XRN2: variants seen among roughly 807,000 people sequenced by gnomAD.
The protein encoded by XRN2 is DHM1-like protein.
In XRN2, 44 loss-of-function variants were observed where a neutral mutation model predicts 138.5. That is an observed-to-expected ratio of 0.32 (90% CI 0.25 to 0.41). The LOEUF (loss-of-function observed/expected upper bound fraction) is 0.41. XRN2 is among the 10% of genes least tolerant of loss of function. XRN2 has a pLI of 1.00. For missense variants in XRN2, 937 were observed against 1,169.3 expected (o/e 0.80, Z 2.90); for synonymous variants, 354 against 369.4 (o/e 0.96, Z 0.48).
intron 27 of XRN2, among the ~76,000 whole-genome samples, chr20:21,372,841 G>C (rs4815042): frequency 0.68 from 102,803 of 151,696 alleles, 35,543 homozygotes; most frequent in South Asian, 0.84. Flanking sequence ...AAGGGAACCA[G>C]TATCCTGACT....
intron 26 of XRN2, among the ~76,000 whole-genome samples, chr20:21,368,240 G>T (rs1420887279): frequency 6.6e-6 from 1 of 152,086 alleles, no homozygotes; most frequent in East Asian, 1.9e-4. Context: ...ATATTTAAAT[G>T]GTTATCAATT....
chr20:21,359,346 C>T (rs989733781), intron 24 of XRN2, among the ~76,000 whole-genome samples: 2 of 152,102 alleles, frequency 1.3e-5, no homozygotes, highest in Middle Eastern at 3.4e-3. Flanking sequence ...ACTAGCCTGG[C>T]CAACATGGTG....
chr20:21,326,266 CA>C lies in XRN2; in HGVS notation c.76-12del, dbSNP rs754499506. ...GAACAATCAAACTACTATTAATTAT[CA>C]CTTCCTCATAGCCAAAAGAATGCAA... On this transcript the variant is annotated splice_polypyrimidine_tract_variant and intron_variant, in intron 1 of 29. Coordinates refer to ENST00000377191, the MANE Select transcript of XRN2 (RefSeq NM_012255.5). 22 of 1,610,712 alleles carry C rather than the reference CA, an allele frequency of 1.4e-5. No individual in the cohort carries two copies. Among genetic ancestry groups the C allele is most frequent in the Non-Finnish European group, 1.9e-5 (22 of 1,177,970 alleles).
chr20:21,305,060 T>C (rs1430445798), intron 1 of XRN2, among the ~76,000 whole-genome samples: 1 of 152,226 alleles, frequency 6.6e-6, no homozygotes, highest in Admixed American at 6.5e-5. Flanking sequence ...GCGCCCGGAC[T>C]CTATTTTACC....
intron 20 of XRN2, 112 bp from the exon 21 acceptor site, chr20:21,354,677 G>A: frequency 1.0e-6 from 1 of 954,314 alleles, no homozygotes; most frequent in Non-Finnish European, 1.6e-6. Flanking sequence ...GTTCCAAAAT[G>A]TTTTTGTATC....
At chr20:21,311,006 C>T (rs1260862600) in intron 1 of XRN2, among the ~76,000 whole-genome samples, 4 of 152,114 alleles carry the variant, frequency 2.6e-5, no homozygotes, top group African/African-American at 7.2e-5. Context: ...CCGCCTCTGC[C>T]TCCCAGAGTG....
intron 27 of XRN2, among the ~76,000 whole-genome samples, chr20:21,372,304 C>G (rs1006507628): frequency 1.3e-5 from 2 of 152,058 alleles, no homozygotes; most frequent in African/African-American, 2.4e-5. Flanking sequence ...ATTGAGCCAA[C>G]AAGTGGGGAA....
chr20:21,308,982 C>G (rs944465252), intron 1 of XRN2, among the ~76,000 whole-genome samples: 6 of 152,174 alleles, frequency 3.9e-5, no homozygotes, highest in Non-Finnish European at 8.8e-5. Context: ...AATTATCGGT[C>G]TTTAAATGCT....
In XRN2 at chr20:21,303,334, G is replaced by A. The variant is rs1031217218; in HGVS notation, c.-65G>A. The A allele has an allele frequency of 9.8e-5, 150 of 1,525,682 alleles. No individual in the cohort carries two copies. Among genetic ancestry groups the A allele is most frequent in the Non-Finnish European group, 1.3e-4 (144 of 1,133,048 alleles). 94.5% of individuals were successfully genotyped at this position (1,525,682 alleles called of 1,614,324 possible). A position where few individuals can be genotyped will look rare whatever the true frequency, so the allele number is the denominator to read the frequency against. On this transcript the variant is annotated 5_prime_UTR_variant, in exon 1 of 30. Transcript: ENST00000377191. ...GGAGGAAGTGCTGGTGCCCTCTGCC[G>A]CTGCTCCCGTCTCTTTGGTTACGCT...
At chr20:21,354,704 T>A (rs771020974) in intron 20 of XRN2, 85 bp from the exon 21 acceptor site, 4 of 1,300,476 alleles carry the variant, frequency 3.1e-6, no homozygotes, top group Non-Finnish European at 3.3e-6. Context: ...GAAACTCTAC[T>A]AGAAACGTTC....
chr20:21,360,635 T>C (rs1330194451), intron 24 of XRN2, among the ~76,000 whole-genome samples: 1 of 152,210 alleles, frequency 6.6e-6, no homozygotes, highest in Non-Finnish European at 1.5e-5. Context: ...AGACAAGATA[T>C]AGAATGTTTT....
At chr20:21,354,222 T>A (rs1200850367) in intron 20 of XRN2, among the ~76,000 whole-genome samples, 1 of 152,218 alleles carries the variant, frequency 6.6e-6, no homozygotes, top group East Asian at 1.9e-4. Context: ...GCCCCCTAAG[T>A]TATTTAAGCA....
At chr20:21,365,776 A>G (rs1408089866) in intron 26 of XRN2, 72 bp downstream of exon 26, 3 of 1,215,206 alleles carry the variant, frequency 2.5e-6, no homozygotes, top group Non-Finnish European at 3.2e-6. Context: ...GTCAGTATTT[A>G]TGCCATATAT....
chr20:21,386,593 A>T (rs899192044), intron 28 of XRN2, among the ~76,000 whole-genome samples: 1 of 152,208 alleles, frequency 6.6e-6, no homozygotes, highest in Admixed American at 6.5e-5. Flanking sequence ...CTAAAAAGGA[A>T]ATTTCCCAAT....
At chr20:21,343,132 TA>T (rs967769089) in intron 15 of XRN2, among the ~76,000 whole-genome samples, 1 of 151,972 alleles carries the variant, frequency 6.6e-6, no homozygotes, top group African/African-American at 2.4e-5. Context: ...GCTCTCAGTT[TA>T]AAAAAAATTC....
intron 4 of XRN2, 27 bp downstream of exon 4, chr20:21,328,697 A>G: frequency 6.2e-7 from 1 of 1,601,918 alleles, no homozygotes. Flanking sequence ...TTGAAGTTGG[A>G]TTTTTTCATA....
intron 1 of XRN2, among the ~76,000 whole-genome samples, chr20:21,309,712 T>G (rs1190600283): frequency 6.6e-6 from 1 of 152,134 alleles, no homozygotes; most frequent in East Asian, 1.9e-4. Context: ...CTTTTTTTTT[T>G]GTTATTAAAA....
rs1217518113 is a variant in XRN2, at chr20:21,368,374, C to T, written c.2457-89C>T. On this transcript the variant is annotated intron_variant, in intron 26 of 29. Coordinates refer to ENST00000377191, the MANE Select transcript of XRN2 (RefSeq NM_012255.5). The stretch of plus-strand genomic sequence containing the variant: ...ATCAGATCTGTTAGTGAAGACGTGG[C>T]TATGAGCATTTGTTTTATTTGTGTC... 8.0e-6 allele frequency: 12 copies of T among 1,507,952 alleles called. No homozygotes were observed. In the East Asian group the frequency reaches 2.5e-4, roughly 32 times the overall value. 93.4% of individuals were successfully genotyped at this position (1,507,952 alleles called of 1,614,324 possible). A position where few individuals can be genotyped will look rare whatever the true frequency, so the allele number is the denominator to read the frequency against.
chr20:21,356,002 T>A, intron 21 of XRN2, 78 bp from the exon 22 acceptor site: 2 of 969,020 alleles, frequency 2.1e-6, no homozygotes, highest in Non-Finnish European at 3.1e-6. Flanking sequence ...ATGCTTTCCC[T>A]TGTTTTATGC....
Sources: gnomAD v4.1 joint callset for allele counts (sites outside exome capture counted in the v4.1 genomes callset) on GRCh38, gnomAD v4.1.1 for gene constraint, MANE v1.5 for transcripts, NCBI Gene and HGNC (gene_info 2026-07-23, HGNC 2026-07-21) for gene names.